Variants in CDK5RAP1 observed in about 807,000 individuals in gnomAD.
The protein encoded by CDK5RAP1 is CDK5RAP1 mitochondrial tRNA methylthiotransferase, also known as mitochondrial tRNA methylthiotransferase CDK5RAP1.
A neutral mutation model predicts 64.5 loss-of-function variants in CDK5RAP1; 62 were observed. The observed-to-expected ratio is 0.96, with a 90% CI of 0.78 to 1.19. The LOEUF (loss-of-function observed/expected upper bound fraction) is 1.19. Ranked by LOEUF, CDK5RAP1 falls within the 50% of genes most tolerant of loss-of-function variation. The pLI is 0.00. For synonymous variants in CDK5RAP1, 250 were observed against 261.9 expected (o/e 0.95, Z 0.44); for missense variants, 657 against 735.0 (o/e 0.89, Z 1.23).
chr20:33,389,539 G>C (rs575858260), intron 5 of CDK5RAP1, among the ~76,000 whole-genome samples: 1,592 of 150,632 alleles, frequency 0.011, 15 homozygotes, highest in Non-Finnish European at 0.017. Context: ...GGAGGGAGGT[G>C]GGGGGGTCAG....
intron 1 of CDK5RAP1, among the ~76,000 whole-genome samples, chr20:33,399,516 T>C (rs1444762265): frequency 6.6e-6 from 1 of 152,220 alleles, no homozygotes. Context: ...CCTAGTAAAC[T>C]GGCAGGTTCC....
Position 33,397,629 on chromosome 20 carries a change from T to C in CDK5RAP1, c.-20-545A>G, listed in dbSNP as rs550600729. On this transcript the variant is annotated intron_variant, in intron 1 of 13. Coordinates refer to ENST00000346416, the MANE Select transcript of CDK5RAP1 (RefSeq NM_016408.4). ...CTCACTGTCTGAGGGCATCTTCCTTTGAGTTCCTTCAGAAGGAAAGCAACT... is the reference window on the plus strand; with the variant it reads ...CTCACTGTCTGAGGGCATCTTCCTTCGAGTTCCTTCAGAAGGAAAGCAACT... Among the ~76,000 whole-genome samples the C allele has an allele frequency of 2.0e-5, 3 of 152,332 alleles. No homozygotes were observed. The East Asian group carries it at 5.8e-4, about 29-fold the overall frequency.
chr20:33,394,993 G>A lies in CDK5RAP1; in HGVS notation c.408+20C>T, dbSNP rs1349098035. The A allele has an allele frequency of 1.4e-6, 2 of 1,431,400 alleles. No homozygotes were observed. The highest frequency in any genetic ancestry group is 1.1e-5 in the South Asian group (1 of 87,512). 88.7% of individuals were successfully genotyped at this position (1,431,400 alleles called of 1,614,324 possible). A position where few individuals can be genotyped will look rare whatever the true frequency, so the allele number is the denominator to read the frequency against. On this transcript the variant is annotated intron_variant, in intron 3 of 13. Coordinates refer to ENST00000346416, the MANE Select transcript of CDK5RAP1 (RefSeq NM_016408.4). ...TCTTGCCCAGGTCCAGGAAACAAAG[G>A]AAATAGGAAATGCATGTACCTCTTG... is the stretch of plus-strand genomic sequence containing the variant.
At chr20:33,367,569 GA>G (rs1984221131) in intron 11 of CDK5RAP1, among the ~76,000 whole-genome samples, 1 of 152,136 alleles carries the variant, frequency 6.6e-6, no homozygotes, top group Non-Finnish European at 1.5e-5. Flanking sequence ...ATAAACACAC[GA>G]AATATGCCCA....
intron 11 of CDK5RAP1, among the ~76,000 whole-genome samples, chr20:33,370,071 A>G (rs993628789): frequency 6.6e-6 from 1 of 152,150 alleles, no homozygotes; most frequent in Non-Finnish European, 1.5e-5. Flanking sequence ...GGAAGCCTCC[A>G]AGTGAGTTCA....
At chr20:33,381,629 A>G (rs1410488803) in intron 7 of CDK5RAP1, among the ~76,000 whole-genome samples, 1 of 152,078 alleles carries the variant, frequency 6.6e-6, no homozygotes, top group East Asian at 1.9e-4. Context: ...GGTTTTGCCA[A>G]GTTGCCCAGG....
At chr20:33,369,441 C>T (rs951367962) in intron 11 of CDK5RAP1, among the ~76,000 whole-genome samples, 2 of 151,774 alleles carry the variant, frequency 1.3e-5, no homozygotes, top group African/African-American at 4.8e-5. Flanking sequence ...CGAGATTGCG[C>T]AACTGCACTC....
At chr20:33,372,757 A>G (rs771927751) in intron 9 of CDK5RAP1, 60 bp from the exon 10 acceptor site, 6 of 1,065,222 alleles carry the variant, frequency 5.6e-6, no homozygotes, top group Non-Finnish European at 8.6e-6. Flanking sequence ...AATGAATGCT[A>G]TAAAAAGATA....
intron 13 of CDK5RAP1, chr20:33,359,617 T>C (rs1982521563): frequency 6.4e-6 from 1 of 156,590 alleles, no homozygotes; most frequent in Admixed American, 6.1e-5. Context: ...ACATATTTTG[T>C]ACCCGGAATT....
chr20:33,390,420 G>C (rs1490672266), intron 5 of CDK5RAP1, among the ~76,000 whole-genome samples: 1 of 152,108 alleles, frequency 6.6e-6, no homozygotes, highest in Non-Finnish European at 1.5e-5. Context: ...AGAGTAGTCA[G>C]ATTCATAAAC....
At position 33,370,470 on chromosome 20, in the gene CDK5RAP1, T is replaced by C. The variant is rs763913713; in HGVS notation, c.1392+29A>G. On this transcript the variant is annotated intron_variant, in intron 11 of 13. Coordinates refer to ENST00000346416, the MANE Select transcript of CDK5RAP1 (RefSeq NM_016408.4). ...CCACCCCCAAACTGGTCAGGAATGA[T>C]GTCAGTCCTCCCCAACCCCAGGGCT... 35 of 1,612,810 alleles carry C rather than the reference T, an allele frequency of 2.2e-5. No individual in the cohort carries two copies. The South Asian group carries it at 2.6e-4, about 12-fold the overall frequency.
intron 13 of CDK5RAP1, 137 bp from the exon 14 acceptor site, chr20:33,359,260 T>A: frequency 1.6e-6 from 1 of 639,308 alleles, no homozygotes; most frequent in Non-Finnish European, 2.8e-6. Context: ...ATGGCTCCTG[T>A]GTGCCCCCGA....
At chr20:33,368,469 T>TC (rs1348059891) in intron 11 of CDK5RAP1, among the ~76,000 whole-genome samples, 1 of 141,796 alleles carries the variant, frequency 7.1e-6, no homozygotes, top group Non-Finnish European at 1.5e-5. Flanking sequence ...ATTTTTTTTT[T>TC]TTTTTTTTTT....
intron 7 of CDK5RAP1, among the ~76,000 whole-genome samples, chr20:33,383,857 A>G (rs1002135286): frequency 5.3e-5 from 8 of 151,762 alleles, no homozygotes; most frequent in Non-Finnish European, 1.2e-4. Context: ...GGCTGCAGTG[A>G]GCCGAGATCA....
chr20:33,398,116 A>T (rs1479972638), intron 1 of CDK5RAP1, among the ~76,000 whole-genome samples: 3 of 152,238 alleles, frequency 2.0e-5, no homozygotes, highest in African/African-American at 7.2e-5. Context: ...TCAAAATTAC[A>T]AGTGTGCAAA....
intron 11 of CDK5RAP1, among the ~76,000 whole-genome samples, chr20:33,370,237 A>T (rs1984752523): frequency 6.6e-6 from 1 of 152,240 alleles, no homozygotes; most frequent in African/African-American, 2.4e-5. Context: ...TTCTCCTTCC[A>T]TATTCAAATT....
chr20:33,366,758 G>T, intron 12 of CDK5RAP1, 101 bp downstream of exon 12: 1 of 1,102,228 alleles, frequency 9.1e-7, no homozygotes, highest in Non-Finnish European at 1.3e-6. Flanking sequence ...CTTGAGCCCA[G>T]CAGTTTGAGT....
At chr20:33,400,742 G>C (rs145013957) in intron 1 of CDK5RAP1, among the ~76,000 whole-genome samples, 1,726 of 152,130 alleles carry the variant, frequency 0.011, 35 homozygotes, top group African/African-American at 0.04. Context: ...TGGAACTCGC[G>C]GGGCAGGGGC....
In CDK5RAP1 at chr20:33,366,953, C is replaced by T. The variant is rs1984086733; in HGVS notation, c.1448G>A (p.Arg483Lys). ...GATAGTGATGAGTTCCTCCAAACGC[C>T]TTAATTTTACCTCTTCCGGGACATC... ...KDDVPEEVKLRRLEELITIFR... is the reference protein window; with the variant it reads ...KDDVPEEVKLKRLEELITIFR... The change falls in exon 12 of 14, where the codon AGG (arginine) becomes AAG (lysine). Residue 483 changes from arginine to lysine, a missense_variant. Arg to Lys is a conservative substitution (Grantham distance 26). Coordinates refer to ENST00000346416, the MANE Select transcript of CDK5RAP1 (RefSeq NM_016408.4). 1 of 1,613,890 alleles carries T rather than the reference C, an allele frequency of 6.2e-7. No homozygotes were observed. Among genetic ancestry groups the T allele is most frequent in the African/African-American group, 1.3e-5 (1 of 74,908 alleles).
Sources: allele counts gnomAD v4.1 joint callset (sites outside exome capture counted in the v4.1 genomes callset), GRCh38; gene constraint gnomAD v4.1.1; transcripts MANE v1.5; gene names NCBI Gene and HGNC (gene_info 2026-07-23, HGNC 2026-07-21).